Variants in CTNNBL1 observed in about 807,000 individuals in gnomAD.
CTNNBL1 encodes the protein beta-catenin-like protein 1.
In CTNNBL1, 31 loss-of-function variants were observed where a neutral mutation model predicts 72.7. The observed-to-expected ratio is 0.43, with a 90% CI of 0.32 to 0.58. The LOEUF (loss-of-function observed/expected upper bound fraction) is 0.58, where lower values mean the gene tolerates loss of function less well. Ranked by LOEUF, CTNNBL1 falls within the 20% of genes least tolerant of loss-of-function variation. The probability of loss-of-function intolerance (pLI) is 0.08; values close to 1 mark genes in which losing one functional copy is unlikely to be tolerated. For synonymous variants in CTNNBL1, 240 were observed against 267.3 expected, an observed-to-expected ratio of 0.90 and a Z score of 1.00; for missense variants, 534 against 725.1, an observed-to-expected ratio of 0.74 and a Z score of 3.03.
At chr20:37,799,562 C>T (rs2122730171) in intron 10 of CTNNBL1, among the ~76,000 whole-genome samples, 1 of 152,326 alleles carries the variant, frequency 6.6e-6, no homozygotes, top group East Asian at 1.9e-4. Context: ...CCTTCACTGA[C>T]TTCTCCCAAG....
At chr20:37,861,712 C>T (rs1435341130) in intron 15 of CTNNBL1, among the ~76,000 whole-genome samples, 3 of 152,188 alleles carry the variant, frequency 2.0e-5, no homozygotes, top group Non-Finnish European at 4.4e-5. Flanking sequence ...CAAATCTTGG[C>T]TCTGTTGTTT....
chr20:37,818,110 T>C (rs2072075616), intron 11 of CTNNBL1, among the ~76,000 whole-genome samples: 1 of 152,332 alleles, frequency 6.6e-6, no homozygotes, highest in East Asian at 1.9e-4. Context: ...CTTTGTAAGG[T>C]GGCTCAAAGG....
intron 13 of CTNNBL1, among the ~76,000 whole-genome samples, chr20:37,851,437 G>A (rs1167451435): frequency 2.0e-5 from 3 of 152,088 alleles, no homozygotes; most frequent in African/African-American, 4.8e-5. Flanking sequence ...CAAGAAGCTA[G>A]GTGACCTTAC....
At chr20:37,758,517 A>G (rs936059882) in intron 5 of CTNNBL1, among the ~76,000 whole-genome samples, 3 of 152,220 alleles carry the variant, frequency 2.0e-5, no homozygotes, top group Non-Finnish European at 2.9e-5. Flanking sequence ...CTGATCCCCA[A>G]CACAATTCTG....
intron 10 of CTNNBL1, among the ~76,000 whole-genome samples, chr20:37,783,515 C>G (rs1371278465): frequency 6.6e-6 from 1 of 152,120 alleles, no homozygotes; most frequent in Non-Finnish European, 1.5e-5. Flanking sequence ...GAACTTTCCT[C>G]TTAATACTGC....
At chr20:37,829,010 A>G (rs533421160) in intron 11 of CTNNBL1, among the ~76,000 whole-genome samples, 2 of 152,340 alleles carry the variant, frequency 1.3e-5, no homozygotes, top group South Asian at 2.1e-4. Context: ...CTGTATTCCA[A>G]CACACCACTG....
intron 3 of CTNNBL1, among the ~76,000 whole-genome samples, chr20:37,745,750 C>T (rs138210832): frequency 2.6e-3 from 391 of 152,336 alleles, no homozygotes; most frequent in Middle Eastern, 0.01. Context: ...AACAAACCTT[C>T]CTGTCTTGTT....
At position 37,777,584 on chromosome 20, in the gene CTNNBL1, AGT is replaced by A. The variant is rs2073587368; in HGVS notation, c.824-67_824-66del. ...TATTGATTTTGTTTGCTGATGTATC[AGT>A]GTTAGACGGCTGTAAAATCTGACAG... On this transcript the variant is annotated intron_variant, in intron 8 of 15. Transcript: ENST00000361383. 2.0e-5 allele frequency: 30 copies of A among 1,469,510 alleles called. No homozygotes were observed. The Admixed American group carries it at 4.5e-4, about 22-fold the overall frequency. 91.0% of individuals were successfully genotyped at this position (1,469,510 alleles called of 1,614,324 possible).
chr20:37,704,584 G>C (rs1392698675), intron 1 of CTNNBL1, among the ~76,000 whole-genome samples: 1 of 151,960 alleles, frequency 6.6e-6, no homozygotes, highest in East Asian at 1.9e-4. Flanking sequence ...GGAGGTGCGC[G>C]CTTATAATCC....
At chr20:37,777,197 A>G (rs1194628004) in intron 7 of CTNNBL1, 148 bp from the exon 8 acceptor site, 7 of 617,306 alleles carry the variant, frequency 1.1e-5, no homozygotes, top group Non-Finnish European at 2.0e-5. Context: ...TCTTGAGAGC[A>G]GAGGCAGACG....
At chr20:37,772,421 T>G (rs1385689912) in intron 7 of CTNNBL1, among the ~76,000 whole-genome samples, 1 of 152,214 alleles carries the variant, frequency 6.6e-6, no homozygotes, top group African/African-American at 2.4e-5. Flanking sequence ...CGATCTTGGC[T>G]CACTGCAAGC....
At chr20:37,737,743 G>T (rs1290017039) in intron 3 of CTNNBL1, among the ~76,000 whole-genome samples, 1 of 152,192 alleles carries the variant, frequency 6.6e-6, no homozygotes, top group Non-Finnish European at 1.5e-5. Context: ...TTCAGATACA[G>T]GCTTCCTATG....
intron 5 of CTNNBL1, among the ~76,000 whole-genome samples, chr20:37,762,636 G>A (rs2073428138): frequency 6.6e-6 from 1 of 152,136 alleles, no homozygotes; most frequent in Admixed American, 6.5e-5. Context: ...TTTGTCACAG[G>A]TCCAGAAAAT....
intron 3 of CTNNBL1, among the ~76,000 whole-genome samples, chr20:37,738,665 G>A (rs1202458714): frequency 1.3e-5 from 2 of 152,160 alleles, no homozygotes. Context: ...AGGCAAGGTA[G>A]AAGGAAACAG....
chr20:37,870,202 C>A (rs1411641276), intron 15 of CTNNBL1, among the ~76,000 whole-genome samples: 2 of 152,112 alleles, frequency 1.3e-5, no homozygotes, highest in Non-Finnish European at 2.9e-5. Flanking sequence ...GCCTCACCCT[C>A]CTCAGGAATA....
At chr20:37,814,138 C>T (rs1352407684) in intron 11 of CTNNBL1, among the ~76,000 whole-genome samples, 3 of 152,136 alleles carry the variant, frequency 2.0e-5, no homozygotes, top group Admixed American at 2.0e-4. Context: ...GGAACTGAAC[C>T]TAGGATTTTC....
At chr20:37,759,661 C>G (rs1167791948) in intron 5 of CTNNBL1, among the ~76,000 whole-genome samples, 3 of 152,096 alleles carry the variant, frequency 2.0e-5, no homozygotes, top group Admixed American at 6.6e-5. Context: ...AAGATTTTGA[C>G]TCTTACAGGT....
intron 11 of CTNNBL1, among the ~76,000 whole-genome samples, chr20:37,838,295 G>T (rs1178096476): frequency 2.0e-5 from 3 of 152,156 alleles, no homozygotes; most frequent in Non-Finnish European, 4.4e-5. Context: ...GGACAAGGGT[G>T]GAAGGAGAGG....
intron 1 of CTNNBL1, among the ~76,000 whole-genome samples, chr20:37,710,785 T>A (rs2072930610): frequency 6.6e-6 from 1 of 152,160 alleles, no homozygotes; most frequent in Non-Finnish European, 1.5e-5. Flanking sequence ...TATATCCATA[T>A]ACACACACCC....
Sources: gnomAD v4.1 joint callset for allele counts (sites outside exome capture counted in the v4.1 genomes callset) on GRCh38, gnomAD v4.1.1 for gene constraint, MANE v1.5 for transcripts, NCBI Gene and HGNC (gene_info 2026-07-23, HGNC 2026-07-21) for gene names.